The following RNF38 variants were observed in gnomAD, a reference collection of about 807,000 sequenced individuals.
The protein encoded by RNF38 is ring finger protein 38.
RNF38 carries 15 observed loss-of-function variants against 67.2 expected under a neutral mutation model. The ratio of observed to expected loss-of-function variants is 0.22; its 90% CI spans 0.15 to 0.34. RNF38 has a LOEUF of 0.34. Among genes scored for constraint, RNF38 ranks in the 10% least tolerant of loss-of-function variants. The pLI is 1.00. For synonymous variants in RNF38, 220 were observed against 218.8 expected, an observed-to-expected ratio of 1.01 and a Z score of -0.05; for missense variants, 524 against 639.9, an observed-to-expected ratio of 0.82 and a Z score of 1.95.
At chr9:36,360,756 T>C (rs961815901) in intron 4 of RNF38, among the ~76,000 whole-genome samples, 4 of 152,162 alleles carry the variant, frequency 2.6e-5, no homozygotes, top group East Asian at 1.9e-4. Flanking sequence ...AATAAAACTA[T>C]TGATTTCTAA....
intron 1 of RNF38, among the ~76,000 whole-genome samples, chr9:36,427,240 G>T (rs1355621477): frequency 6.6e-6 from 1 of 152,172 alleles, no homozygotes; most frequent in Non-Finnish European, 1.5e-5. Context: ...AGAAATAAAA[G>T]AAAGAGTTTT....
At chr9:36,443,572 T>C (rs563069844) in intron 1 of RNF38, among the ~76,000 whole-genome samples, 8 of 152,294 alleles carry the variant, frequency 5.3e-5, no homozygotes, top group African/African-American at 1.9e-4. Flanking sequence ...TAGGAATCAC[T>C]ACAAATAGAT....
chr9:36,409,873 C>CTCTTGTTTGTACT (rs1838280621), intron 2 of RNF38, among the ~76,000 whole-genome samples: 3 of 152,174 alleles, frequency 2.0e-5, no homozygotes, highest in Non-Finnish European at 4.4e-5. Context: ...CAAAACAAAT[C>CTCTTGTTTGTACT]ATAATATTAA....
intron 3 of RNF38, among the ~76,000 whole-genome samples, chr9:36,370,978 C>T (rs774057194): frequency 3.9e-5 from 6 of 151,960 alleles, no homozygotes; most frequent in Non-Finnish European, 5.9e-5. Flanking sequence ...TACTAGTCAT[C>T]GACATAGTTT....
chr9:36,372,619 G>C, intron 3 of RNF38: 1 of 689,918 alleles, frequency 1.4e-6, no homozygotes, highest in Middle Eastern at 2.4e-4. Context: ...AACAAGAACA[G>C]AATACAGAGT....
intron 1 of RNF38, among the ~76,000 whole-genome samples, chr9:36,433,168 G>A (rs919461489): frequency 1.3e-5 from 2 of 150,752 alleles, no homozygotes; most frequent in Admixed American, 6.6e-5. Context: ...AGTAAGGATG[G>A]TTAATGGGTA....
intron 1 of RNF38, among the ~76,000 whole-genome samples, chr9:36,447,342 T>TA (rs1839331348): frequency 6.6e-6 from 1 of 152,158 alleles, no homozygotes; most frequent in African/African-American, 2.4e-5. Context: ...AGCCATGACT[T>TA]ACATGAATTG....
At chr9:36,446,401 CCT>C (rs960643521) in intron 1 of RNF38, among the ~76,000 whole-genome samples, 133 of 152,288 alleles carry the variant, frequency 8.7e-4, no homozygotes, top group African/African-American at 3.1e-3. Context: ...TTTTTTCTCC[CCT>C]GTGTTTCCTG....
In RNF38 at chr9:36,351,134, CCATCTTCTA is replaced by C; in HGVS notation, c.1235_1243del (p.Val412_Asp414del). Reference sequence around the variant, plus strand: ...ACTAACCTCGTAATTTTCTACTTCTCCATCTTCTACATCTAATTCAAAGCTGAAAGTTGG... The same window carrying C: ...ACTAACCTCGTAATTTTCTACTTCTCCATCTAATTCAAAGCTGAAAGTTGG... On this transcript the variant is annotated inframe_deletion, in exon 9 of 12. Transcript: ENST00000259605. The C allele has an allele frequency of 6.2e-7, 1 of 1,611,492 alleles. No individual in the cohort carries two copies. Among genetic ancestry groups the C allele is most frequent in the Non-Finnish European group, 8.5e-7 (1 of 1,178,200 alleles).
At chr9:36,417,855 T>C (rs1838514846) in intron 2 of RNF38, among the ~76,000 whole-genome samples, 1 of 152,090 alleles carries the variant, frequency 6.6e-6, no homozygotes, top group South Asian at 2.1e-4. Flanking sequence ...CTTTTACAAA[T>C]CTAGTTCCTA....
intron 2 of RNF38, among the ~76,000 whole-genome samples, chr9:36,380,515 G>T (rs1040501106): frequency 1.4e-4 from 21 of 149,002 alleles, no homozygotes; most frequent in Non-Finnish European, 2.8e-4. Context: ...TTTTTTTAAA[G>T]ACAGTCTCAC....
chr9:36,457,194 A>T (rs895640002), intron 1 of RNF38, among the ~76,000 whole-genome samples: 17 of 152,228 alleles, frequency 1.1e-4, no homozygotes, highest in Admixed American at 9.8e-4. Flanking sequence ...GCTTTATCAC[A>T]GGTACCTGCT....
At chr9:36,467,450 A>C (rs1475354415) in intron 1 of RNF38, among the ~76,000 whole-genome samples, 1 of 151,974 alleles carries the variant, frequency 6.6e-6, no homozygotes, top group East Asian at 1.9e-4. Context: ...CAGTGCAAGG[A>C]GGCTGCAGCT....
chr9:36,365,681 T>TTC (rs987051186), intron 4 of RNF38, among the ~76,000 whole-genome samples: 1 of 148,242 alleles, frequency 6.7e-6, no homozygotes, highest in Non-Finnish European at 1.5e-5. Context: ...TTTTTTTTTT[T>TTC]TTGAGACGGA....
At chr9:36,485,682 G>A (rs1361671360) in intron 1 of RNF38, among the ~76,000 whole-genome samples, 1 of 152,142 alleles carries the variant, frequency 6.6e-6, no homozygotes, top group African/African-American at 2.4e-5. Flanking sequence ...AAAGCACCCT[G>A]CCAACAGCCA....
chr9:36,422,965 C>A lies in RNF38; in HGVS notation n.312+1648G>T, dbSNP rs572021177. Among the ~76,000 whole-genome samples, 5 of 152,230 alleles carry A rather than the reference C, an allele frequency of 3.3e-5. No homozygotes were observed. The South Asian group carries it at 1.0e-3, about 32-fold the overall frequency. ...CCCGGAGGGCAGTCTGGCTTCTATACCATAAATGAACAAATGGATACTAGC... is the reference window on the plus strand; with the variant it reads ...CCCGGAGGGCAGTCTGGCTTCTATAACATAAATGAACAAATGGATACTAGC... On this transcript the variant is annotated intron_variant and non_coding_transcript_variant, in intron 2 of 3. Transcript: ENST00000488058.
upstream of RNF38, chr9:36,401,014 C>G: frequency 1.0e-6 from 1 of 984,550 alleles, no homozygotes; most frequent in Non-Finnish European, 1.2e-6. Flanking sequence ...CGACTCCCCT[C>G]GCCGCTAGGC....
At chr9:36,400,666 C>G (rs1587619172), upstream of RNF38, 4 of 985,704 alleles carry the variant, frequency 4.1e-6, no homozygotes, top group Non-Finnish European at 4.8e-6. Flanking sequence ...ATCCGCCGTC[C>G]GCGGGCCTCC....
At chr9:36,471,888 CA>C (rs1840007653) in intron 1 of RNF38, among the ~76,000 whole-genome samples, 1 of 152,182 alleles carries the variant, frequency 6.6e-6, no homozygotes, top group Non-Finnish European at 1.5e-5. Flanking sequence ...CCACCGCATC[CA>C]ATTTACAAAT....
Sources: allele counts gnomAD v4.1 joint callset (sites outside exome capture counted in the v4.1 genomes callset), GRCh38; gene constraint gnomAD v4.1.1; transcripts MANE v1.5; gene names NCBI Gene and HGNC (gene_info 2026-07-23, HGNC 2026-07-21).